PDE4B: variants seen among roughly 807,000 people sequenced by gnomAD.
PDE4B encodes the protein phosphodiesterase 4B.
PDE4B carries 20 observed loss-of-function variants against 82.2 expected under a neutral mutation model. The observed-to-expected ratio is 0.24, with a 90% CI of 0.17 to 0.35. The LOEUF (loss-of-function observed/expected upper bound fraction) is 0.35. PDE4B is among the 10% of genes least tolerant of loss of function. The pLI, the probability that PDE4B is intolerant of heterozygous loss-of-function variation, is 1.00. For missense variants in PDE4B, 655 were observed against 907.2 expected (o/e 0.72, Z 3.57); for synonymous variants, 320 against 318.9 (o/e 1.00, Z -0.04).
chr1:66,244,023 T>G lies in PDE4B; in HGVS notation c.282-3437T>G, dbSNP rs76337813. Reference sequence around the variant, plus strand: ...TGTCTTAATCTATCTGAAACTTCTGTGTGACCTCATTTAAATGTTGAAGTA... The same window carrying G: ...TGTCTTAATCTATCTGAAACTTCTGGGTGACCTCATTTAAATGTTGAAGTA... On this transcript the variant is annotated intron_variant, in intron 3 of 16. Transcript: ENST00000341517. 9.0e-3 allele frequency among the ~76,000 whole-genome samples: 1,377 copies of G among 152,340 alleles called. 23 individuals are homozygous for G. Among genetic ancestry groups the G allele is most frequent in the African/African-American group, 0.031 (1,303 of 41,570 alleles).
At chr1:66,256,256 T>C (rs1654217612) in intron 4 of PDE4B, among the ~76,000 whole-genome samples, 1 of 152,210 alleles carries the variant, frequency 6.6e-6, no homozygotes, top group South Asian at 2.1e-4. Context: ...CCAAACAGTC[T>C]AAATTCTTAC....
chr1:66,353,285 G>A (rs973287444), intron 8 of PDE4B, among the ~76,000 whole-genome samples: 1 of 152,178 alleles, frequency 6.6e-6, no homozygotes, highest in African/African-American at 2.4e-5. Flanking sequence ...CGCAAGCAGG[G>A]TTACCCAGAA....
intron 7 of PDE4B, among the ~76,000 whole-genome samples, chr1:66,331,387 A>C (rs1286603123): frequency 1.3e-5 from 2 of 152,212 alleles, no homozygotes; most frequent in Non-Finnish European, 2.9e-5. Flanking sequence ...AACTCTCTGT[A>C]GCTTCATTAA....
At chr1:66,022,154 A>G (rs1227686248) in intron 3 of PDE4B, among the ~76,000 whole-genome samples, 1 of 152,164 alleles carries the variant, frequency 6.6e-6, no homozygotes, top group Non-Finnish European at 1.5e-5. Context: ...TTGCACATTG[A>G]TTTTGTATCA....
At chr1:66,166,158 A>G (rs1646727335) in intron 3 of PDE4B, among the ~76,000 whole-genome samples, 1 of 152,234 alleles carries the variant, frequency 6.6e-6, no homozygotes, top group Non-Finnish European at 1.5e-5. Context: ...TCGCCTTTTC[A>G]ACAAATAATA....
chr1:66,140,951 A>G (rs559513738), intron 3 of PDE4B, among the ~76,000 whole-genome samples: 47 of 152,296 alleles, frequency 3.1e-4, no homozygotes, highest in African/African-American at 1.1e-3. Context: ...ATATTTAACA[A>G]CATCATATTA....
chr1:65,876,026 A>G (rs1428417625), intron 1 of PDE4B, among the ~76,000 whole-genome samples: 1 of 152,002 alleles, frequency 6.6e-6, no homozygotes. Flanking sequence ...CAATTGCTTT[A>G]TTTATTTTCA....
At chr1:66,206,025 C>T (rs1557633576) in intron 3 of PDE4B, among the ~76,000 whole-genome samples, 1 of 152,186 alleles carries the variant, frequency 6.6e-6, no homozygotes, top group Non-Finnish European at 1.5e-5. Flanking sequence ...TGCTAGGAAT[C>T]AGGGGTTTCT....
At position 66,367,956 on chromosome 1, in the gene PDE4B, A is replaced by G; in HGVS notation, c.1553A>G (p.Asp518Gly). ...KMVIDMVLAT[D>G]MSKHMSLLAD... is the part of the protein sequence containing the mutation. ...TTTTTACCCAAGGTGTTAGCAACTGATATGTCTAAACATATGAGCCTGCTG... is the reference window on the plus strand; with the variant it reads ...TTTTTACCCAAGGTGTTAGCAACTGGTATGTCTAAACATATGAGCCTGCTG... Residue 518 changes from aspartate to glycine, a missense_variant, in exon 15 of 17, where the codon GAT becomes GGT. Physicochemically the swap from Asp to Gly is moderately conservative, Grantham distance 94. Transcript: ENST00000341517. The G allele has an allele frequency of 6.2e-7, 1 of 1,613,762 alleles. No individual in the cohort carries two copies. Among genetic ancestry groups the G allele is most frequent in the Non-Finnish European group, 8.5e-7 (1 of 1,179,768 alleles).
At chr1:65,837,091 G>A (rs1646148368) in intron 1 of PDE4B, among the ~76,000 whole-genome samples, 2 of 143,026 alleles carry the variant, frequency 1.4e-5, no homozygotes, top group Admixed American at 7.0e-5. Flanking sequence ...GCCAGCACCA[G>A]TTTTTTTTTT....
intron 7 of PDE4B, among the ~76,000 whole-genome samples, chr1:66,316,142 A>G (rs554812452): frequency 1.3e-5 from 2 of 152,344 alleles, no homozygotes; most frequent in East Asian, 3.9e-4. Context: ...CAATTTAGTA[A>G]ATGATTGCTA....
intron 3 of PDE4B, among the ~76,000 whole-genome samples, chr1:66,170,605 A>C (rs961432693): frequency 2.0e-5 from 3 of 152,184 alleles, no homozygotes; most frequent in Non-Finnish European, 4.4e-5. Flanking sequence ...TTTTCTAACT[A>C]CTCCTAGATA....
At position 66,372,311 on chromosome 1, in the gene PDE4B, A is replaced by AGGTT. The variant is rs750956043; in HGVS notation, c.1849_1852dup. ...CAGATGTGTCATCTTATTTTTCTCC[A>AGGTT]GGTTGGTTTCATCGACTACATTGTC... On this transcript the variant is annotated splice_acceptor_variant, in intron 16 of 16. Transcript: ENST00000341517. LOFTEE classifies it high-confidence loss of function. 1 of 1,595,118 alleles carries AGGTT rather than the reference A, an allele frequency of 6.3e-7. No homozygotes were observed.
At chr1:65,814,644 T>C (rs1645859179) in intron 1 of PDE4B, among the ~76,000 whole-genome samples, 1 of 152,224 alleles carries the variant, frequency 6.6e-6, no homozygotes, top group African/African-American at 2.4e-5. Context: ...ACTGATCTGC[T>C]TTCTTTCACT....
At chr1:66,201,473 T>TA (rs767883502) in intron 3 of PDE4B, among the ~76,000 whole-genome samples, 41 of 152,280 alleles carry the variant, frequency 2.7e-4, no homozygotes, top group Non-Finnish European at 5.1e-4. Flanking sequence ...ATCCATCTGG[T>TA]CCTGGACTCT....
At chr1:65,802,869 A>G (rs1007348324) in intron 1 of PDE4B, among the ~76,000 whole-genome samples, 7 of 152,138 alleles carry the variant, frequency 4.6e-5, no homozygotes, top group African/African-American at 1.7e-4. Context: ...AAAAGTCACA[A>G]TTTCCTTCTA....
chr1:66,189,364 A>G (rs144074594), intron 3 of PDE4B, among the ~76,000 whole-genome samples: 1 of 152,090 alleles, frequency 6.6e-6, no homozygotes, highest in Non-Finnish European at 1.5e-5. Flanking sequence ...TATTTCCTGA[A>G]GTTGAATGTT....
chr1:66,049,690 G>C (rs993846042), intron 3 of PDE4B, among the ~76,000 whole-genome samples: 1 of 151,976 alleles, frequency 6.6e-6, no homozygotes, highest in African/African-American at 2.4e-5. Context: ...AATAGAGCAG[G>C]AAATGAAGTG....
intron 3 of PDE4B, among the ~76,000 whole-genome samples, chr1:65,977,958 T>G (rs144535103): frequency 1.3e-5 from 2 of 152,274 alleles, no homozygotes; most frequent in Non-Finnish European, 2.9e-5. Context: ...AGTATACTAT[T>G]CAAATATTTG....
Sources: allele counts gnomAD v4.1 joint callset (sites outside exome capture counted in the v4.1 genomes callset), GRCh38; gene constraint gnomAD v4.1.1; transcripts MANE v1.5; gene names NCBI Gene and HGNC (gene_info 2026-07-23, HGNC 2026-07-21).